The following PRKAG2 variants were observed in gnomAD, a reference collection of about 807,000 sequenced individuals.
The protein encoded by PRKAG2 is protein kinase AMP-activated non-catalytic subunit gamma 2.
A neutral mutation model predicts 69.6 loss-of-function variants in PRKAG2; 26 were observed. The observed-to-expected ratio is 0.37, with a 90% confidence interval of 0.27 to 0.52. PRKAG2 has a LOEUF of 0.52. Ranked by LOEUF, PRKAG2 falls within the 20% of genes least tolerant of loss-of-function variation. The probability of loss-of-function intolerance (pLI) is 0.90; values close to 1 mark genes in which losing one functional copy is unlikely to be tolerated. For synonymous variants in PRKAG2, 293 were observed against 285.0 expected, an observed-to-expected ratio of 1.03 and a Z score of -0.28; for missense variants, 557 against 740.0, an observed-to-expected ratio of 0.75 and a Z score of 2.87.
In PRKAG2 at chr7:151,632,055, C is replaced by T; in HGVS notation, c.754+14G>A. ...GTGGGAGCGCCGGGCCGGCAGCGGG[C>T]GGGGCGCACTCACCTTCGTCCTCGA... On this transcript the variant is annotated intron_variant, in intron 5 of 15. Coordinates refer to ENST00000287878, the MANE Select transcript of PRKAG2 (RefSeq NM_016203.4). The surrounding 1 kb of genome is among the most constrained non-coding windows in gnomAD (Gnocchi z 4.2). 2.2e-6 allele frequency: 3 copies of T among 1,371,202 alleles called. No individual in the cohort carries two copies. Among genetic ancestry groups the T allele is most frequent in the Non-Finnish European group, 2.9e-6 (3 of 1,048,240 alleles). 84.9% of individuals were successfully genotyped at this position (1,371,202 alleles called of 1,614,324 possible). A position where few individuals can be genotyped will look rare whatever the true frequency, so the allele number is the denominator to read the frequency against.
At chr7:151,560,311 C>T in intron 15 of PRKAG2, 5 of 1,465,356 alleles carry the variant, frequency 3.4e-6, no homozygotes, top group Non-Finnish European at 4.5e-6. Context: ...ATAGGATGCT[C>T]TTAACTTCGA....
At chr7:151,696,882 G>C (rs1055921468) in intron 3 of PRKAG2, among the ~76,000 whole-genome samples, 1 of 152,196 alleles carries the variant, frequency 6.6e-6, no homozygotes, top group Admixed American at 6.5e-5. Flanking sequence ...GGCAGCAGCA[G>C]CTCTTGGGAG....
intron 1 of PRKAG2, among the ~76,000 whole-genome samples, chr7:151,875,486 G>T (rs1477842070): frequency 2.0e-5 from 3 of 152,114 alleles, no homozygotes; most frequent in Admixed American, 2.0e-4. Flanking sequence ...TTTAATGAGG[G>T]GTCCGGACAG....
In PRKAG2 at chr7:151,786,450, T is replaced by G. The variant is rs771538031; in HGVS notation, c.186+20A>C. The G allele has an allele frequency of 1.4e-5, 22 of 1,600,444 alleles. No individual in the cohort carries two copies. The highest frequency in any genetic ancestry group is 1.8e-5 in the Non-Finnish European group (21 of 1,171,772). ...GCACCTCAAGTGAGCTGTGAGAAAC[T>G]TCTGGAAAGGAGGTCTTACCTTTCG... On this transcript the variant is annotated intron_variant, in intron 2 of 15. Coordinates refer to ENST00000287878, the MANE Select transcript of PRKAG2 (RefSeq NM_016203.4).
intron 1 of PRKAG2, among the ~76,000 whole-genome samples, chr7:151,875,742 GA>G (rs1397865474): frequency 6.6e-6 from 1 of 152,072 alleles, no homozygotes; most frequent in Non-Finnish European, 1.5e-5. Context: ...CTTCCGAAAA[GA>G]GAACCACTAC....
At chr7:151,646,075 A>G (rs1412162178) in intron 4 of PRKAG2, among the ~76,000 whole-genome samples, 1 of 152,196 alleles carries the variant, frequency 6.6e-6, no homozygotes, top group Non-Finnish European at 1.5e-5. Flanking sequence ...TACTTTCATC[A>G]TGACCACACT....
intron 1 of PRKAG2, among the ~76,000 whole-genome samples, chr7:151,867,550 G>A (rs545655895): frequency 9.2e-5 from 14 of 152,260 alleles, no homozygotes; most frequent in Non-Finnish European, 1.3e-4. Context: ...GATGAGGGCC[G>A]GTCCTAATGG....
In PRKAG2 at chr7:151,557,158, C is replaced by G; in HGVS notation, c.*43G>C. ...CATGAGGCAAAACGTGACCCAGAGA[C>G]TTTGTTCAAGTTCTCCTCCTAGGGC... On this transcript the variant is annotated 3_prime_UTR_variant, in exon 16 of 16. Transcript: ENST00000287878. 1.9e-6 allele frequency: 3 copies of G among 1,614,072 alleles called. No individual in the cohort carries two copies. The highest frequency in any genetic ancestry group is 2.5e-6 in the Non-Finnish European group (3 of 1,179,980).
intron 4 of PRKAG2, among the ~76,000 whole-genome samples, chr7:151,658,647 G>A (rs1829861809): frequency 6.6e-6 from 1 of 152,114 alleles, no homozygotes; most frequent in African/African-American, 2.4e-5. Flanking sequence ...GTATTGGGGT[G>A]CGAACACACG....
intron 3 of PRKAG2, among the ~76,000 whole-genome samples, chr7:151,755,694 C>T (rs932134620): frequency 6.6e-6 from 1 of 152,196 alleles, no homozygotes; most frequent in Non-Finnish European, 1.5e-5. Context: ...AAAGAGACCA[C>T]GTGGCCTTCG....
chr7:151,773,041 G>A (rs1174140018), intron 3 of PRKAG2, among the ~76,000 whole-genome samples: 9,074 of 42,500 alleles, frequency 0.21, 1,230 homozygotes, highest in East Asian at 0.29. Context: ...GAGAGAGAGA[G>A]AGAGAGAGAG....
chr7:151,604,500 T>C (rs1040113730), intron 5 of PRKAG2, among the ~76,000 whole-genome samples: 7 of 152,048 alleles, frequency 4.6e-5, no homozygotes, highest in Admixed American at 2.6e-4. Context: ...TAGCCAGGTG[T>C]GGTGGTGCAC....
At chr7:151,696,558 C>T (rs1836708194) in intron 3 of PRKAG2, among the ~76,000 whole-genome samples, 1 of 152,202 alleles carries the variant, frequency 6.6e-6, no homozygotes, top group African/African-American at 2.4e-5. Context: ...GACCTCTTTC[C>T]TTGCCTAAAT....
At position 151,575,089 on chromosome 7, in the gene PRKAG2, T is replaced by C. The variant is rs553927448; in HGVS notation, c.947-140A>G. 1.4e-4 allele frequency: 171 copies of C among 1,258,910 alleles called. No homozygotes were observed. In the Middle Eastern group the frequency reaches 5.4e-3, roughly 40 times the overall value. The allele number at this position is 1,258,910 out of a possible 1,614,324, so 78.0% of individuals were successfully genotyped here. On this transcript the variant is annotated intron_variant, in intron 7 of 15. Transcript: ENST00000287878. ...ATATCAAGCAGAGTTTAATATATTA[T>C]TTAAAACTATTGATGTGTTAATTGT...
intron 4 of PRKAG2, among the ~76,000 whole-genome samples, chr7:151,657,448 C>T (rs547839936): frequency 2.6e-5 from 4 of 152,246 alleles, no homozygotes; most frequent in African/African-American, 7.2e-5. Context: ...GCAATAAATG[C>T]TGTTGTTGGT....
intron 4 of PRKAG2, among the ~76,000 whole-genome samples, chr7:151,651,806 C>T (rs533528532): frequency 3.9e-5 from 6 of 151,962 alleles, no homozygotes; most frequent in Non-Finnish European, 7.4e-5. Flanking sequence ...AAGCCAAGCA[C>T]GGAAAGACAA....
chr7:151,814,979 G>T lies in PRKAG2; in HGVS notation c.115-28438C>A. ...AGCAGAGGCCGATGATGCAGCAGTG[G>T]ACAGCTCTGGGCTCCAGGTCCTCTG... On this transcript the variant is annotated intron_variant, in intron 1 of 15. Coordinates refer to ENST00000287878, the MANE Select transcript of PRKAG2 (RefSeq NM_016203.4). The surrounding 1 kb of genome is among the most constrained non-coding windows in gnomAD (Gnocchi z 4.8). 2 of 754,160 alleles carry T rather than the reference G, an allele frequency of 2.7e-6. No individual in the cohort carries two copies. The highest frequency in any genetic ancestry group is 3.6e-6 in the Non-Finnish European group (2 of 552,622). The allele number at this position is 754,160 out of a possible 1,614,324, so 46.7% of individuals were successfully genotyped here.
At chr7:151,847,057 G>A (rs73728418) in intron 1 of PRKAG2, among the ~76,000 whole-genome samples, 7,480 of 152,260 alleles carry the variant, frequency 0.049, 351 homozygotes, top group African/African-American at 0.12. Context: ...AAATGCTCTC[G>A]GCCTTGTACC....
At chr7:151,641,547 CCTTT>C (rs562052330) in intron 4 of PRKAG2, among the ~76,000 whole-genome samples, 28 of 151,816 alleles carry the variant, frequency 1.8e-4, no homozygotes, top group Non-Finnish European at 3.5e-4. Context: ...CAGAACCGGC[CCTTT>C]CTTTCTTTTT....
Sources: allele counts gnomAD v4.1 joint callset (sites outside exome capture counted in the v4.1 genomes callset), GRCh38; gene constraint gnomAD v4.1.1; non-coding constraint Gnocchi (gnomAD v3.1); transcripts MANE v1.5; gene names NCBI Gene and HGNC (gene_info 2026-07-23, HGNC 2026-07-21).